The following ERBB4 variants were observed in gnomAD, a reference collection of about 807,000 sequenced individuals.
ERBB4 encodes the protein erb-b2 receptor tyrosine kinase 4.
A neutral mutation model predicts 158.0 loss-of-function variants in ERBB4; 42 were observed. That is an observed-to-expected ratio of 0.27 (90% CI 0.21 to 0.34). The LOEUF (loss-of-function observed/expected upper bound fraction) is 0.34, where lower values mean the gene tolerates loss of function less well. ERBB4 is among the 10% of genes least tolerant of loss of function. ERBB4 has a pLI of 1.00. For synonymous variants in ERBB4, 583 were observed against 558.7 expected (o/e 1.04, Z -0.61); for missense variants, 1,333 against 1,624.1 (o/e 0.82, Z 3.08).
At chr2:211,970,611 T>A (rs939113180) in intron 2 of ERBB4, among the ~76,000 whole-genome samples, 7 of 152,142 alleles carry the variant, frequency 4.6e-5, no homozygotes, top group African/African-American at 1.4e-4. Context: ...CTGAATTGAA[T>A]TTTTTACCAC....
Position 211,380,956 on chromosome 2 carries a change from A to T in ERBB4, c.*2659T>A, listed in dbSNP as rs2062564757. On this transcript the variant is annotated 3_prime_UTR_variant, in exon 28 of 28. Coordinates refer to ENST00000342788, the MANE Select transcript of ERBB4 (RefSeq NM_005235.3). The stretch of plus-strand genomic sequence containing the variant: ...TGCATATTGTAAATCAGAAAAAAAA[A>T]ATCAAGGTATAGTATCCAAAAAGAG... 2 of 232,404 alleles carry T rather than the reference A, an allele frequency of 8.6e-6. No homozygotes were observed. Among genetic ancestry groups the T allele is most frequent in the South Asian group, 1.8e-4 (1 of 5,524 alleles). 14.4% of individuals were successfully genotyped at this position (232,404 alleles called of 1,614,324 possible).
intron 3 of ERBB4, among the ~76,000 whole-genome samples, chr2:211,893,133 G>A (rs1483415847): frequency 6.9e-6 from 1 of 145,802 alleles, no homozygotes; most frequent in East Asian, 1.9e-4. Flanking sequence ...CAAAGCTGGA[G>A]GCATCACATT....
intron 19 of ERBB4, among the ~76,000 whole-genome samples, chr2:211,588,774 G>C (rs2068369342): frequency 6.6e-6 from 1 of 152,018 alleles, no homozygotes; most frequent in Non-Finnish European, 1.5e-5. Flanking sequence ...AAAATCACAT[G>C]ATATATACTA....
chr2:211,856,957 G>A (rs964517707), intron 3 of ERBB4, among the ~76,000 whole-genome samples: 46 of 151,914 alleles, frequency 3.0e-4, no homozygotes, highest in African/African-American at 1.0e-3. Context: ...TTACTATCTC[G>A]AATTTAGAAC....
chr2:211,535,448 A>G (rs2066618820), intron 20 of ERBB4, among the ~76,000 whole-genome samples: 1 of 152,092 alleles, frequency 6.6e-6, no homozygotes, highest in Non-Finnish European at 1.5e-5. Context: ...TAGGTATATT[A>G]CCAAGTAGCT....
intron 3 of ERBB4, among the ~76,000 whole-genome samples, chr2:211,923,651 T>C (rs1247131567): frequency 6.6e-6 from 1 of 152,182 alleles, no homozygotes; most frequent in African/African-American, 2.4e-5. Flanking sequence ...TGTACAGAGA[T>C]GCATCCTTTC....
At chr2:211,748,726 G>A (rs2075043794) in intron 5 of ERBB4, among the ~76,000 whole-genome samples, 1 of 152,184 alleles carries the variant, frequency 6.6e-6, no homozygotes, top group African/African-American at 2.4e-5. Flanking sequence ...ATAAGTAGGT[G>A]AGTGAGTAAA....
chr2:212,334,508 A>G (rs1251297358), intron 1 of ERBB4, among the ~76,000 whole-genome samples: 2 of 152,138 alleles, frequency 1.3e-5, no homozygotes, highest in East Asian at 3.9e-4. Context: ...GTATCAAGGA[A>G]TTGTTAGTTA....
intron 3 of ERBB4, among the ~76,000 whole-genome samples, chr2:211,886,898 T>C (rs1206584895): frequency 6.6e-6 from 1 of 152,214 alleles, no homozygotes; most frequent in Non-Finnish European, 1.5e-5. Context: ...ACTGATACAC[T>C]TGATGTGAGG....
At chr2:211,934,953 A>C (rs2080279072) in intron 3 of ERBB4, among the ~76,000 whole-genome samples, 1 of 150,150 alleles carries the variant, frequency 6.7e-6, no homozygotes, top group Non-Finnish European at 1.5e-5. Context: ...TGCCTTGAAG[A>C]GGTGACACCT....
At chr2:211,496,442 A>G (rs1201516819) in intron 20 of ERBB4, among the ~76,000 whole-genome samples, 1 of 151,988 alleles carries the variant, frequency 6.6e-6, no homozygotes, top group Admixed American at 6.6e-5. Context: ...TAATAGCAAC[A>G]CCATTCTTCC....
chr2:212,453,389 C>T (rs1177674327), intron 1 of ERBB4, among the ~76,000 whole-genome samples: 2 of 152,186 alleles, frequency 1.3e-5, no homozygotes, highest in African/African-American at 2.4e-5. Flanking sequence ...TTCAAGAATG[C>T]ACCCAAGCTA....
At chr2:212,512,493 C>T (rs370084351) in intron 1 of ERBB4, among the ~76,000 whole-genome samples, 5 of 152,094 alleles carry the variant, frequency 3.3e-5, no homozygotes, top group African/African-American at 1.2e-4. Context: ...AAACTGTTTG[C>T]ATGGTTTTTG....
intron 19 of ERBB4, among the ~76,000 whole-genome samples, chr2:211,592,023 G>C (rs1213710741): frequency 1.3e-5 from 2 of 152,286 alleles, no homozygotes; most frequent in African/African-American, 4.8e-5. Context: ...GACGGGGCTA[G>C]ATTTTCTTTT....
intron 2 of ERBB4, among the ~76,000 whole-genome samples, chr2:212,085,836 A>G (rs1361244546): frequency 2.1e-5 from 2 of 95,742 alleles, no homozygotes; most frequent in Admixed American, 1.4e-4. Flanking sequence ...GATATTATAT[A>G]ATCCCCCAAA....
At chr2:211,640,771 G>A (rs1238326993) in intron 16 of ERBB4, among the ~76,000 whole-genome samples, 1 of 152,132 alleles carries the variant, frequency 6.6e-6, no homozygotes, top group Non-Finnish European at 1.5e-5. Flanking sequence ...GAGTAATAGT[G>A]AAAGACAGAT....
chr2:211,833,274 T>C (rs2077265692), intron 3 of ERBB4, among the ~76,000 whole-genome samples: 1 of 152,140 alleles, frequency 6.6e-6, no homozygotes, highest in Non-Finnish European at 1.5e-5. Context: ...GACTGGTTAA[T>C]TCAATTACTT....
At chr2:212,051,865 C>A (rs2077408989) in intron 2 of ERBB4, among the ~76,000 whole-genome samples, 1 of 152,120 alleles carries the variant, frequency 6.6e-6, no homozygotes, top group Non-Finnish European at 1.5e-5. Context: ...AATTACACCA[C>A]ACAGATTAGA....
At chr2:212,133,408 T>TTTG (rs1491486134) in intron 1 of ERBB4, among the ~76,000 whole-genome samples, 2 of 124,572 alleles carry the variant, frequency 1.6e-5, no homozygotes, top group African/African-American at 8.7e-5. Context: ...TTTTTTTTTG[T>TTTG]TTTGTTTTGT....
Sources: gnomAD v4.1 joint callset for allele counts (sites outside exome capture counted in the v4.1 genomes callset) on GRCh38, gnomAD v4.1.1 for gene constraint, MANE v1.5 for transcripts, NCBI Gene and HGNC (gene_info 2026-07-23, HGNC 2026-07-21) for gene names.